The following LINGO2 variants were observed in gnomAD, a reference collection of about 807,000 sequenced individuals.
LINGO2 encodes the protein leucine-rich repeat and immunoglobulin-like domain-containing nogo receptor-interacting protein 2.
Under a neutral mutation model 30.6 loss-of-function variants are expected in LINGO2, and 14 were observed. The observed-to-expected ratio is 0.46, with a 90% CI of 0.30 to 0.72. The LOEUF is 0.72. LINGO2 is among the 30% of genes least tolerant of loss of function. LINGO2 has a pLI of 0.07. For missense variants in LINGO2, 729 were observed against 751.7 expected, an observed-to-expected ratio of 0.97 and a Z score of 0.35; for synonymous variants, 317 against 288.5, an observed-to-expected ratio of 1.10 and a Z score of -1.00.
the LINGO2 span, among the ~76,000 whole-genome samples, chr9:29,212,832 C>G: frequency 6.6e-6 from 1 of 152,202 alleles, no homozygotes; most frequent in Non-Finnish European, 1.5e-5. Context: ...GAGAGATCCT[C>G]CTAACTTGAC....
rs1564250658 is a variant in LINGO2, at chr9:28,506,477, C to CAGAG, written c.-364-30453_-364-30452insCTCT. Among the ~76,000 whole-genome samples the CAGAG allele has an allele frequency of 4.0e-4, 5 of 12,632 alleles. 1 individual carries two copies. The highest frequency in any genetic ancestry group is 7.5e-4 in the African/African-American group (5 of 6,638). The allele number at this position is 12,632 out of a possible 152,430, so 8.3% of individuals were successfully genotyped here. A position where few individuals can be genotyped will look rare whatever the true frequency, so the allele number is the denominator to read the frequency against. On this transcript the variant is annotated intron_variant, in intron 1 of 5. Transcript: ENST00000379992. ...ACACATACACATACACACACACACA[C>CAGAG]ACATACACATACACACACACACACA...
chr9:29,090,192 G>T, the LINGO2 span, among the ~76,000 whole-genome samples: 6 of 151,900 alleles, frequency 3.9e-5, no homozygotes, highest in Non-Finnish European at 8.8e-5. Context: ...CTGCTTGCAT[G>T]CATCACAATG....
At chr9:29,189,114 T>C in the LINGO2 span, among the ~76,000 whole-genome samples, 1 of 73,922 alleles carries the variant, frequency 1.4e-5, no homozygotes, top group African/African-American at 3.9e-5. Context: ...CCCGCCTCCC[T>C]CCCGGACGGG....
chr9:28,638,433 T>C (rs1827394708), intron 1 of LINGO2, among the ~76,000 whole-genome samples: 4 of 152,182 alleles, frequency 2.6e-5, no homozygotes, highest in Non-Finnish European at 5.9e-5. Flanking sequence ...AATTTCACTG[T>C]GAATCCGTCT....
the LINGO2 span, among the ~76,000 whole-genome samples, chr9:28,830,950 TAGCAGCCCTGGGCTAACATG>T: frequency 3.3e-5 from 5 of 152,112 alleles, no homozygotes; most frequent in African/African-American, 1.2e-4. Flanking sequence ...GAACAAGGCC[TAGCAGCCCTGGGCTAACATG>T]AGAAGGGCTG....
At chr9:28,236,326 A>C (rs1042639598) in intron 4 of LINGO2, among the ~76,000 whole-genome samples, 1 of 152,210 alleles carries the variant, frequency 6.6e-6, no homozygotes, top group African/African-American at 2.4e-5. Flanking sequence ...AGAAATGCTA[A>C]AGGGATTTCT....
At position 28,143,916 on chromosome 9, in the gene LINGO2, T is replaced by C. The variant is rs867684489; in HGVS notation, c.-86-131511A>G. ...ATCTTTTTGGTTATATTTATTTTTA[T>C]AAAAACTTTTGTTGTGACTTCTTGC... On this transcript the variant is annotated intron_variant, in intron 4 of 5. Transcript: ENST00000379992. 2.2e-4 allele frequency among the ~76,000 whole-genome samples: 34 copies of C among 152,308 alleles called. No homozygotes were observed. In the Middle Eastern group the frequency reaches 0.01, roughly 46 times the overall value.
the LINGO2 span, among the ~76,000 whole-genome samples, chr9:28,817,284 G>C: frequency 6.6e-6 from 1 of 152,070 alleles, no homozygotes; most frequent in African/African-American, 2.4e-5. Flanking sequence ...TATTAGCAAA[G>C]AATGATTTGG....
At chr9:28,338,746 A>C (rs1357231392) in intron 3 of LINGO2, among the ~76,000 whole-genome samples, 1 of 152,018 alleles carries the variant, frequency 6.6e-6, no homozygotes, top group Non-Finnish European at 1.5e-5. Context: ...CTGCCCTGTG[A>C]AGAAGGACGT....
intron 1 of LINGO2, among the ~76,000 whole-genome samples, chr9:28,497,688 T>C (rs1192407927): frequency 6.6e-6 from 1 of 152,194 alleles, no homozygotes; most frequent in Non-Finnish European, 1.5e-5. Context: ...CCAGCTTTGT[T>C]CCGTTGCTGG....
intron 1 of LINGO2, among the ~76,000 whole-genome samples, chr9:28,484,114 G>C (rs1229864221): frequency 6.6e-6 from 1 of 152,018 alleles, no homozygotes; most frequent in East Asian, 1.9e-4. Flanking sequence ...ACCTGAATGA[G>C]GTGAGTAAGA....
intron 2 of LINGO2, among the ~76,000 whole-genome samples, chr9:28,456,715 T>C (rs551558413): frequency 6.6e-6 from 1 of 152,244 alleles, no homozygotes; most frequent in Admixed American, 6.5e-5. Context: ...AAACTGAACA[T>C]ACAAACATAA....
chr9:27,942,183 C>G, the LINGO2 span: 1 of 152,124 alleles, frequency 6.6e-6, no homozygotes, highest in South Asian at 2.1e-4. Context: ...GATAGCCTGT[C>G]TTTTGATTCC....
At chr9:28,647,768 T>G (rs1827903660) in intron 1 of LINGO2, among the ~76,000 whole-genome samples, 1 of 152,064 alleles carries the variant, frequency 6.6e-6, no homozygotes, top group African/African-American at 2.4e-5. Flanking sequence ...AACTGAACCT[T>G]CCAAAGAGTT....
At chr9:28,551,455 A>T (rs77688197) in intron 1 of LINGO2, among the ~76,000 whole-genome samples, 1 of 152,010 alleles carries the variant, frequency 6.6e-6, no homozygotes, top group Non-Finnish European at 1.5e-5. Flanking sequence ...ATAGTTTAAT[A>T]GAGGTAGGGT....
At chr9:28,381,528 T>A (rs1187474112) in intron 2 of LINGO2, among the ~76,000 whole-genome samples, 2 of 152,146 alleles carry the variant, frequency 1.3e-5, no homozygotes, top group Non-Finnish European at 2.9e-5. Flanking sequence ...CTGGAATGTA[T>A]ATGCCAACAC....
intron 2 of LINGO2, among the ~76,000 whole-genome samples, chr9:28,390,200 C>T (rs1035595830): frequency 1.3e-5 from 2 of 152,144 alleles, no homozygotes; most frequent in Non-Finnish European, 2.9e-5. Flanking sequence ...TTCTGCTGTA[C>T]GATGCTACCA....
chr9:28,280,089 G>T (rs1043745419), intron 4 of LINGO2, among the ~76,000 whole-genome samples: 1 of 152,090 alleles, frequency 6.6e-6, no homozygotes, highest in East Asian at 1.9e-4. Flanking sequence ...TTGAGAGAAT[G>T]CTAAATGGAG....
chr9:28,650,307 G>T (rs889851689), intron 1 of LINGO2, among the ~76,000 whole-genome samples: 1 of 152,060 alleles, frequency 6.6e-6, no homozygotes, highest in Non-Finnish European at 1.5e-5. Flanking sequence ...AGATTGAGTT[G>T]CTTGTGAACC....
Sources: allele counts gnomAD v4.1 joint callset (sites outside exome capture counted in the v4.1 genomes callset), GRCh38; gene constraint gnomAD v4.1.1; transcripts MANE v1.5; gene names NCBI Gene and HGNC (gene_info 2026-07-23, HGNC 2026-07-21).